Variants in ADGRG1 observed in about 807,000 individuals in gnomAD.
The protein encoded by ADGRG1 is adhesion G protein-coupled receptor G1, also known as 7-transmembrane protein with no EGF-like N-terminal domains-1.
ADGRG1 carries 53 observed loss-of-function variants against 73.5 expected under a neutral mutation model. That is an observed-to-expected ratio of 0.72 (90% confidence interval 0.58 to 0.91). The LOEUF is 0.91. Among genes scored for constraint, ADGRG1 ranks in the 40% least tolerant of loss-of-function variants. The pLI, the probability that ADGRG1 is intolerant of heterozygous loss-of-function variation, is 0.00. For missense variants in ADGRG1, 795 were observed against 871.8 expected, an observed-to-expected ratio of 0.91 and a Z score of 1.11; for synonymous variants, 394 against 374.4, an observed-to-expected ratio of 1.05 and a Z score of -0.60.
At chr16:57,641,198 G>A (rs1169569482) in intron 1 of ADGRG1, 4 of 778,988 alleles carry the variant, frequency 5.1e-6, no homozygotes, top group Non-Finnish European at 6.2e-6. Context: ...CCCAGAGAAG[G>A]GACAGGCTGG....
At chr16:57,663,004 G>A in intron 13 of ADGRG1, 1 of 984,774 alleles carries the variant, frequency 1.0e-6, no homozygotes, top group Non-Finnish European at 1.2e-6. Context: ...TGAGATGAGG[G>A]GACTCAGGAT....
chr16:57,636,145 C>G lies in ADGRG1; in HGVS notation c.-36+7343C>G, dbSNP rs1425727576. 6 of 985,246 alleles carry G rather than the reference C, an allele frequency of 6.1e-6. No individual in the cohort carries two copies. In the African/African-American group the frequency reaches 1.0e-4, roughly 17 times the overall value. The allele number at this position is 985,246 out of a possible 1,614,324, so 61.0% of individuals were successfully genotyped here. On this transcript the variant is annotated intron_variant, in intron 1 of 13. Coordinates refer to ENST00000562631, the MANE Select transcript of ADGRG1 (RefSeq NM_201525.4). ...TCTGCAGCAATGGGAACGGGACCCA[C>G]TTTTCTTTGCACATCTGCTACCTGG...
At chr16:57,639,721 C>T in intron 1 of ADGRG1, 3 of 916,204 alleles carry the variant, frequency 3.3e-6, no homozygotes, top group Non-Finnish European at 3.9e-6. Flanking sequence ...TTCACTCCTG[C>T]TCCCTCTCCC....
chr16:57,645,033 ACT>A (rs1284694804), intron 1 of ADGRG1: 1 of 972,062 alleles, frequency 1.0e-6, no homozygotes, highest in African/African-American at 1.8e-5. Flanking sequence ...CTCATCACAC[ACT>A]CATGCACATA....
intron 3 of ADGRG1, chr16:57,652,780 A>G: frequency 9.4e-7 from 1 of 1,065,700 alleles, no homozygotes; most frequent in South Asian, 2.8e-5. Context: ...CGGCCGCCTT[A>G]GTAGGCCGCC....
rs188341725 is a variant in ADGRG1 at position 57,637,823 on chromosome 16, C to T, written c.-36+9021C>T. 6.6e-4 allele frequency: 307 copies of T among 464,854 alleles called. 1 individual carries two copies. Among genetic ancestry groups the T allele is most frequent in the African/African-American group, 6.0e-3 (282 of 47,270 alleles). The allele number at this position is 464,854 out of a possible 1,614,324, so 28.8% of individuals were successfully genotyped here. On this transcript the variant is annotated intron_variant, in intron 1 of 13. Coordinates refer to ENST00000562631, the MANE Select transcript of ADGRG1 (RefSeq NM_201525.4). ...TCCCATGGCCTCTGCCAGAAATCAT[C>T]CCAAAGCCCCTTCCTCTGTTGGACT...
chr16:57,626,320 T>A (rs2035812391), upstream of ADGRG1, among the ~76,000 whole-genome samples: 1 of 152,214 alleles, frequency 6.6e-6, no homozygotes, highest in Non-Finnish European at 1.5e-5. Context: ...AGCAGGTGAT[T>A]ATTAGTCCTG....
At chr16:57,647,144 C>T (rs759155141) in intron 1 of ADGRG1, 32 of 985,276 alleles carry the variant, frequency 3.2e-5, no homozygotes, top group Admixed American at 3.1e-4. Flanking sequence ...GAAGGAGGGG[C>T]GCTAAGTGGA....
At chr16:57,632,941 A>C in intron 1 of ADGRG1, 1 of 985,352 alleles carries the variant, frequency 1.0e-6, no homozygotes, top group Non-Finnish European at 1.2e-6. Context: ...GGCCACTTAC[A>C]CCAACTGCAA....
chr16:57,632,197 G>A, intron 1 of ADGRG1: 1 of 985,436 alleles, frequency 1.0e-6, no homozygotes, highest in Non-Finnish European at 1.2e-6. Flanking sequence ...TGGTGGAGAG[G>A]AGGCTCCTCA....
In ADGRG1 at chr16:57,636,378, C is replaced by T. The variant is rs2039372332; in HGVS notation, c.-36+7576C>T. 4.1e-6 allele frequency: 4 copies of T among 985,228 alleles called. No homozygotes were observed. In the South Asian group the frequency reaches 1.4e-4, roughly 35 times the overall value. The allele number at this position is 985,228 out of a possible 1,614,324, so 61.0% of individuals were successfully genotyped here. A position where few individuals can be genotyped will look rare whatever the true frequency, so the allele number is the denominator to read the frequency against. On this transcript the variant is annotated intron_variant, in intron 1 of 13. Coordinates refer to ENST00000562631, the MANE Select transcript of ADGRG1 (RefSeq NM_201525.4). ...GCTCCCAGGCTTCCATGCTGTGGGA[C>T]TTCTCAGAGCCTTTATCGGGAAAAC...
At chr16:57,632,264 G>T (rs759057391) in intron 1 of ADGRG1, 6 of 985,270 alleles carry the variant, frequency 6.1e-6, no homozygotes, top group Admixed American at 6.1e-5. Context: ...CCAAATCCAC[G>T]CACCTGTAGG....
In ADGRG1 at chr16:57,653,375, G is replaced by T. The variant is rs2148323107; in HGVS notation, c.620+40G>T. ...TGGGGCTGTGAGGGGAGGCAGGAAG[G>T]CATCAGAGATCTGGACCTGGGCAGG... On this transcript the variant is annotated intron_variant, in intron 4 of 13. Transcript: ENST00000562631. The T allele has an allele frequency of 3.7e-6, 6 of 1,601,648 alleles. No homozygotes were observed. In the East Asian group the frequency reaches 1.3e-4, roughly 36 times the overall value.
At chr16:57,634,167 G>A (rs2038761723) in intron 1 of ADGRG1, 2 of 985,328 alleles carry the variant, frequency 2.0e-6, no homozygotes, top group Non-Finnish European at 2.4e-6. Context: ...GCCCCTGGGA[G>A]CTAGGCTGAG....
chr16:57,645,266 G>A (rs1373602918), intron 1 of ADGRG1: 2 of 985,308 alleles, frequency 2.0e-6, no homozygotes, highest in East Asian at 1.1e-4. Flanking sequence ...CTCTCCCAGC[G>A]AGGGCCCATT....
At chr16:57,656,460 G>C (rs1372442401) in intron 8 of ADGRG1, 54 bp from the exon 9 acceptor site, 26 of 1,582,828 alleles carry the variant, frequency 1.6e-5, no homozygotes, top group Non-Finnish European at 2.2e-5. Flanking sequence ...GGTGGACACA[G>C]TGGGGTCCTG....
intron 1 of ADGRG1, 85 bp downstream of exon 1, chr16:57,628,887 A>AGTGTGAGT (rs1465331437): frequency 5.0e-6 from 4 of 805,408 alleles, no homozygotes; most frequent in Non-Finnish European, 5.9e-6. Context: ...AGTGTGTGAG[A>AGTGTGAGT]GTGTGAGTGT....
At position 57,655,522 on chromosome 16, in the gene ADGRG1, C is replaced by G; in HGVS notation, c.892C>G (p.Leu298Val). 1 of 1,613,860 alleles carries G rather than the reference C, an allele frequency of 6.2e-7. No individual in the cohort carries two copies. The highest frequency in any genetic ancestry group is 8.5e-7 in the Non-Finnish European group (1 of 1,180,032). Residue 298 changes from leucine to valine, a missense_variant, in exon 6 of 14, where the codon CTG becomes GTG. Physicochemically the swap from Leu to Val is conservative, Grantham distance 32. Coordinates refer to ENST00000562631, the MANE Select transcript of ADGRG1 (RefSeq NM_201525.4). ...LLLVDFSSQA[L>V]FQDKNSSQVL... ...CCTGGTGGACTTCAGCAGCCAAGCCCTGTTCCAGGTATGGGGTCCTCACCC... is the reference window on the plus strand; with the variant it reads ...CCTGGTGGACTTCAGCAGCCAAGCCGTGTTCCAGGTATGGGGTCCTCACCC...
Position 57,651,949 on chromosome 16 carries a change from A to C in ADGRG1, c.487+327A>C. On this transcript the variant is annotated intron_variant, in intron 3 of 13. Transcript: ENST00000562631. The stretch of plus-strand genomic sequence containing the variant: ...GGATGAGGTCTGAATAGGGTGAGAG[A>C]GCAGAGACTGGAAAGGGACTGAAGA... 19 of 1,309,718 alleles carry C rather than the reference A, an allele frequency of 1.5e-5. 1 individual carries two copies. The South Asian group carries it at 3.1e-4, about 22-fold the overall frequency. 81.1% of individuals were successfully genotyped at this position (1,309,718 alleles called of 1,614,324 possible). A position where few individuals can be genotyped will look rare whatever the true frequency, so the allele number is the denominator to read the frequency against.
Sources: allele counts gnomAD v4.1 joint callset (sites outside exome capture counted in the v4.1 genomes callset), GRCh38; gene constraint gnomAD v4.1.1; transcripts MANE v1.5; gene names NCBI Gene and HGNC (gene_info 2026-07-23, HGNC 2026-07-21).